Variants in KLF12 observed in about 807,000 individuals in gnomAD.
KLF12 encodes the protein KLF transcription factor 12.
KLF12 carries 9 observed loss-of-function variants against 37.8 expected under a neutral mutation model. That is an observed-to-expected ratio of 0.24 (90% CI 0.14 to 0.42). KLF12 has a LOEUF of 0.42. Ranked by LOEUF, KLF12 falls within the 10% of genes least tolerant of loss-of-function variation. KLF12 has a pLI of 1.00. For synonymous variants in KLF12, 208 were observed against 202.1 expected (o/e 1.03, Z -0.25); for missense variants, 411 against 516.0 (o/e 0.80, Z 1.97).
chr13:73,893,393 T>G (rs1314984321), intron 3 of KLF12, among the ~76,000 whole-genome samples: 13 of 101,434 alleles, frequency 1.3e-4, no homozygotes, highest in Admixed American at 3.3e-4. Context: ...TTTTTTTTTT[T>G]GAGACAGAGC....
At chr13:74,085,287 T>C (rs1336547416) in intron 1 of KLF12, among the ~76,000 whole-genome samples, 1 of 152,216 alleles carries the variant, frequency 6.6e-6, no homozygotes, top group African/African-American at 2.4e-5. Context: ...CCAAGGGTCA[T>C]ATAAAATAAT....
At chr13:73,823,298 C>T (rs1292826156) in intron 4 of KLF12, among the ~76,000 whole-genome samples, 1 of 151,320 alleles carries the variant, frequency 6.6e-6, no homozygotes, top group African/African-American at 2.4e-5. Context: ...GCAAAAAATC[C>T]ACCTCGAACT....
the KLF12 span, among the ~76,000 whole-genome samples, chr13:74,168,763 A>G: frequency 0.026 from 4,007 of 152,292 alleles, 76 homozygotes; most frequent in Middle Eastern, 0.075. Context: ...AATCACCTAT[A>G]AACAGTTTAC....
chr13:74,275,215 G>A, the KLF12 span, among the ~76,000 whole-genome samples: 8 of 152,230 alleles, frequency 5.3e-5, no homozygotes, highest in Admixed American at 1.3e-4. Context: ...TGTGTGAGGC[G>A]GAGTGATTGG....
the KLF12 span, among the ~76,000 whole-genome samples, chr13:74,233,674 A>G: frequency 1.3e-5 from 2 of 152,194 alleles, no homozygotes; most frequent in African/African-American, 4.8e-5. Context: ...AATAATTTTA[A>G]TCTCAAATCT....
intron 3 of KLF12, among the ~76,000 whole-genome samples, chr13:73,925,290 G>A (rs904164559): frequency 6.6e-6 from 1 of 152,186 alleles, no homozygotes; most frequent in Non-Finnish European, 1.5e-5. Flanking sequence ...TCTTGTTACA[G>A]GCTAATGTAG....
intron 3 of KLF12, among the ~76,000 whole-genome samples, chr13:73,877,153 A>G (rs1406929692): frequency 6.6e-6 from 1 of 152,204 alleles, no homozygotes; most frequent in African/African-American, 2.4e-5. Flanking sequence ...TTTTTAAACA[A>G]GTATAATTAA....
At chr13:74,016,880 C>G (rs1892700146) in intron 1 of KLF12, among the ~76,000 whole-genome samples, 1 of 152,122 alleles carries the variant, frequency 6.6e-6, no homozygotes, top group South Asian at 2.1e-4. Flanking sequence ...ATCCAAATGT[C>G]TATCATCAGT....
the KLF12 span, among the ~76,000 whole-genome samples, chr13:74,140,373 A>G: frequency 6.6e-6 from 1 of 152,192 alleles, no homozygotes; most frequent in South Asian, 2.1e-4. Context: ...AAATAAAAAA[A>G]AATAAGCTGG....
chr13:73,931,557 A>G (rs1182264704), intron 3 of KLF12, among the ~76,000 whole-genome samples: 11 of 152,190 alleles, frequency 7.2e-5, no homozygotes, highest in Admixed American at 2.6e-4. Context: ...ATGTCAATGG[A>G]AAGACATAAC....
chr13:73,745,475 T>C (rs1254851914), intron 6 of KLF12, among the ~76,000 whole-genome samples: 1 of 152,210 alleles, frequency 6.6e-6, no homozygotes, highest in Non-Finnish European at 1.5e-5. Context: ...TACATATTTA[T>C]AAATATTAAA....
intron 1 of KLF12, among the ~76,000 whole-genome samples, chr13:74,085,702 G>A (rs556323105): frequency 2.6e-5 from 4 of 152,234 alleles, no homozygotes; most frequent in East Asian, 1.9e-4. Context: ...CACAATCAAC[G>A]GACAACTTGA....
intron 5 of KLF12, among the ~76,000 whole-genome samples, chr13:73,804,179 C>T (rs527770590): frequency 4.0e-4 from 61 of 152,234 alleles, no homozygotes; most frequent in Non-Finnish European, 7.8e-4. Context: ...CTGTTCCACT[C>T]GGAGTTACAT....
chr13:74,008,332 T>TG (rs1566502320), intron 1 of KLF12, among the ~76,000 whole-genome samples: 3 of 152,114 alleles, frequency 2.0e-5, no homozygotes, highest in African/African-American at 4.8e-5. Context: ...AGAGGGTACA[T>TG]GAGCCACTCT....
intron 3 of KLF12, among the ~76,000 whole-genome samples, chr13:73,942,391 C>T (rs902380389): frequency 2.6e-5 from 4 of 151,970 alleles, no homozygotes; most frequent in African/African-American, 9.7e-5. Context: ...AGACGCCAGG[C>T]TCTATATGAG....
At chr13:74,178,724 G>T in the KLF12 span, among the ~76,000 whole-genome samples, 2 of 152,170 alleles carry the variant, frequency 1.3e-5, no homozygotes, top group African/African-American at 4.8e-5. Context: ...CAATTTGCCT[G>T]CTTCTCTATG....
chr13:74,113,208 T>C (rs1190361218), intron 1 of KLF12, among the ~76,000 whole-genome samples: 1 of 152,230 alleles, frequency 6.6e-6, no homozygotes, highest in Non-Finnish European at 1.5e-5. Flanking sequence ...CAAATGCTGA[T>C]GGGGAAGCTG....
At chr13:74,190,048 G>A in the KLF12 span, among the ~76,000 whole-genome samples, 1 of 151,878 alleles carries the variant, frequency 6.6e-6, no homozygotes, top group East Asian at 1.9e-4. Context: ...TTACTGCAAA[G>A]AGTAACCTTG....
At chr13:74,233,683 C>G in the KLF12 span, among the ~76,000 whole-genome samples, 1 of 152,110 alleles carries the variant, frequency 6.6e-6, no homozygotes, top group South Asian at 2.1e-4. Context: ...AATCTCAAAT[C>G]TAGAATATAC....
Sources: allele counts gnomAD v4.1 joint callset (sites outside exome capture counted in the v4.1 genomes callset), GRCh38; gene constraint gnomAD v4.1.1; transcripts MANE v1.5; gene names NCBI Gene and HGNC (gene_info 2026-07-23, HGNC 2026-07-21).